Variants in ATXN1 observed in about 807,000 individuals in gnomAD.
The protein encoded by ATXN1 is ataxin-1.
ATXN1 carries 8 observed loss-of-function variants against 56.4 expected under a neutral mutation model. The ratio of observed to expected loss-of-function variants is 0.14; its 90% CI spans 0.08 to 0.26. The LOEUF is 0.26. Ranked by LOEUF, ATXN1 falls within the 10% of genes least tolerant of loss-of-function variation. The pLI, the probability that ATXN1 is intolerant of heterozygous loss-of-function variation, is 1.00. For missense variants in ATXN1, 987 were observed against 1,106.5 expected (o/e 0.89, Z 1.53); for synonymous variants, 514 against 494.6 (o/e 1.04, Z -0.52).
chr6:16,327,047 C>T lies in ATXN1; in HGVS notation c.1264G>A (p.Gly422Ser). 6.2e-7 allele frequency: 1 copy of T among 1,614,136 alleles called. No individual in the cohort carries two copies. The highest frequency in any genetic ancestry group is 8.5e-7 in the Non-Finnish European group (1 of 1,180,042). Reference sequence around the variant, plus strand: ...GGTGAGAGCGCGTAGGACCGGTGGCCAGGCTTCCCTAAATGCAGGCCACTT... The same window carrying T: ...GGTGAGAGCGCGTAGGACCGGTGGCTAGGCTTCCCTAAATGCAGGCCACTT... ...DKSGLHLGKP[G>S]HRSYALSPHT... The change falls in exon 7 of 8, where the codon GGC (glycine) becomes AGC (serine). Residue 422 changes from glycine (G) to serine (S), a missense_variant. Around this residue, in one of 3 missense-constraint regions of ATXN1, gnomAD observed 723 missense variants for 791.7 expected, o/e 0.91. Transcript: ENST00000436367.
intron 2 of ATXN1, among the ~76,000 whole-genome samples, chr6:16,712,079 G>T (rs535337913): frequency 2.6e-5 from 4 of 152,134 alleles, no homozygotes; most frequent in African/African-American, 9.7e-5. Context: ...TGACAGGAAG[G>T]GGGCAGAGGG....
intron 1 of ATXN1, among the ~76,000 whole-genome samples, chr6:16,759,301 T>A (rs1760984652): frequency 6.6e-6 from 1 of 152,276 alleles, no homozygotes; most frequent in African/African-American, 2.4e-5. Context: ...CGACAGGATG[T>A]GCAGGGAGAA....
chr6:16,623,587 AT>A (rs1416795816), intron 3 of ATXN1, among the ~76,000 whole-genome samples: 1 of 152,254 alleles, frequency 6.6e-6, no homozygotes, highest in Non-Finnish European at 1.5e-5. Flanking sequence ...AGGAAGCAAA[AT>A]GAAGACATTT....
At chr6:16,737,912 T>C (rs1344108608) in intron 2 of ATXN1, 2 of 152,032 alleles carry the variant, frequency 1.3e-5, no homozygotes, top group African/African-American at 2.4e-5. Context: ...GCAAATTAGT[T>C]ATAAACACAG....
intron 7 of ATXN1, among the ~76,000 whole-genome samples, chr6:16,315,794 T>C (rs1760494851): frequency 6.6e-6 from 1 of 152,092 alleles, no homozygotes; most frequent in South Asian, 2.1e-4. Flanking sequence ...GCCTGAGTAG[T>C]TGGGACCACA....
intron 2 of ATXN1, among the ~76,000 whole-genome samples, chr6:16,722,017 G>A (rs1206136429): frequency 6.6e-6 from 1 of 152,176 alleles, no homozygotes; most frequent in Admixed American, 6.5e-5. Flanking sequence ...CCTTATTGCA[G>A]TGGCCGCAAA....
chr6:16,560,275 C>G (rs1762092037), intron 4 of ATXN1, among the ~76,000 whole-genome samples: 1 of 151,662 alleles, frequency 6.6e-6, no homozygotes, highest in Admixed American at 6.6e-5. Context: ...ACTAAAAATA[C>G]AAAAATTTGC....
At position 16,327,374 on chromosome 6, in the gene ATXN1, G is replaced by T; in HGVS notation, c.937C>A (p.Arg313=). 1 of 1,613,606 alleles carries T rather than the reference G, an allele frequency of 6.2e-7. No individual in the cohort carries two copies. Among genetic ancestry groups the T allele is most frequent in the South Asian group, 1.1e-5 (1 of 91,082 alleles). Residue 313 remains arginine (R), a synonymous_variant, in exon 7 of 8, where the codon CGG becomes AGG. Transcript: ENST00000436367. ...TTGGCCTGGATGGCCTGCTGCAGCC[G>T]GCTGCTCTCAGCTTTCTTGGTGGCC... The part of the protein sequence containing the change: ...REATKKAESS[R]LQQAIQAKEV...
intron 7 of ATXN1, among the ~76,000 whole-genome samples, chr6:16,319,585 C>G (rs1760597744): frequency 6.6e-6 from 1 of 152,146 alleles, no homozygotes; most frequent in Non-Finnish European, 1.5e-5. Flanking sequence ...GTAGTATAAA[C>G]TATGGACTTT....
intron 2 of ATXN1, among the ~76,000 whole-genome samples, chr6:16,730,126 T>C (rs1352513042): frequency 2.0e-5 from 3 of 152,028 alleles, no homozygotes; most frequent in Middle Eastern, 3.2e-3. Context: ...CTACTAAAAA[T>C]ACAAAAATTA....
intron 2 of ATXN1, among the ~76,000 whole-genome samples, chr6:16,670,483 A>G (rs1172990033): frequency 1.3e-5 from 2 of 152,212 alleles, no homozygotes; most frequent in East Asian, 1.9e-4. Flanking sequence ...TGTGCTATCA[A>G]CAAGCAAGAA....
At chr6:16,349,203 ATAAAAAAATCACATTTTCAGGC>A (rs1468008063) in intron 6 of ATXN1, among the ~76,000 whole-genome samples, 1 of 152,190 alleles carries the variant, frequency 6.6e-6, no homozygotes, top group African/African-American at 2.4e-5. Context: ...TTTCATCTGC[ATAAAAAAATCACATTTTCAGGC>A]TGGGCATGGT....
intron 2 of ATXN1, among the ~76,000 whole-genome samples, chr6:16,730,120 T>C (rs773601493): frequency 1.1e-4 from 17 of 152,100 alleles, no homozygotes; most frequent in South Asian, 6.2e-4. Context: ...CAATCTCTAC[T>C]AAAAATACAA....
chr6:16,457,415 T>A (rs1249431720), intron 6 of ATXN1, among the ~76,000 whole-genome samples: 7 of 152,100 alleles, frequency 4.6e-5, no homozygotes, highest in Non-Finnish European at 1.0e-4. Flanking sequence ...AGGCGGTTTT[T>A]TCTTTCAGAT....
At chr6:16,404,706 A>G (rs553754496) in intron 6 of ATXN1, among the ~76,000 whole-genome samples, 6 of 132,050 alleles carry the variant, frequency 4.5e-5, no homozygotes, top group Admixed American at 4.2e-4. Flanking sequence ...GCGCGCGCGC[A>G]CACACGCACA....
intron 2 of ATXN1, among the ~76,000 whole-genome samples, chr6:16,740,481 C>G (rs697738): frequency 0.025 from 3,770 of 152,230 alleles, 146 homozygotes; most frequent in African/African-American, 0.086. Context: ...ACAAGGACTT[C>G]TCAGAGCAGA....
rs1416122660 is a variant in ATXN1 at position 16,357,271 on chromosome 6, A to AT, written c.-160-28802dup. On this transcript the variant is annotated intron_variant, in intron 6 of 7. Transcript: ENST00000436367. ...TATTTTATTTTATTTATTTTATTTT[A>AT]TTTTTTTTTGCTTTTTGAGACGCAG... Among the ~76,000 whole-genome samples the AT allele has an allele frequency of 7.7e-3, 907 of 118,086 alleles. 9 individuals are homozygous for AT. Among genetic ancestry groups the AT allele is most frequent in the African/African-American group, 0.035 (771 of 21,782 alleles). The allele number at this position is 118,086 out of a possible 152,430, so 77.5% of individuals were successfully genotyped here. A position where few individuals can be genotyped will look rare whatever the true frequency, so the allele number is the denominator to read the frequency against.
intron 4 of ATXN1, among the ~76,000 whole-genome samples, chr6:16,526,226 G>T (rs1761392265): frequency 6.6e-6 from 1 of 151,840 alleles, no homozygotes; most frequent in African/African-American, 2.4e-5. Flanking sequence ...TTGAAGGAAT[G>T]AACCAATACA....
At chr6:16,421,655 T>TGG (rs145977640) in intron 6 of ATXN1, among the ~76,000 whole-genome samples, 299 of 47,762 alleles carry the variant, frequency 6.3e-3, no homozygotes, top group African/African-American at 0.018. Context: ...CACGGGAGGG[T>TGG]GGGGGGGGCG....
Sources: gnomAD v4.1 joint callset for allele counts (sites outside exome capture counted in the v4.1 genomes callset) on GRCh38, gnomAD v4.1.1 for gene constraint, gnomAD v4.1.1 regional missense constraint, MANE v1.5 for transcripts, NCBI Gene and HGNC (gene_info 2026-07-23, HGNC 2026-07-21) for gene names.